Variants in NKAIN3 observed in about 807,000 individuals in gnomAD.
The protein encoded by NKAIN3 is sodium/potassium-transporting ATPase subunit beta-1-interacting protein 3.
A neutral mutation model predicts 30.2 loss-of-function variants in NKAIN3; 25 were observed. The ratio of observed to expected loss-of-function variants is 0.83; its 90% CI spans 0.60 to 1.16. The LOEUF (loss-of-function observed/expected upper bound fraction) is 1.16, where lower values mean the gene tolerates loss of function less well. NKAIN3 is among the 50% of genes most tolerant of loss of function. The pLI is 0.00. For synonymous variants in NKAIN3, 91 were observed against 89.6 expected (o/e 1.02, Z -0.09); for missense variants, 225 against 254.1 (o/e 0.89, Z 0.78).
chr8:62,732,275 G>A (rs12114187), intron 3 of NKAIN3, among the ~76,000 whole-genome samples: 5,210 of 151,842 alleles, frequency 0.034, 121 homozygotes, highest in Middle Eastern at 0.071. Context: ...AGAGTTGATC[G>A]TATTAAACTT....
chr8:62,541,575 A>C (rs1808842601), intron 1 of NKAIN3, among the ~76,000 whole-genome samples: 1 of 152,050 alleles, frequency 6.6e-6, no homozygotes, highest in Non-Finnish European at 1.5e-5. Context: ...AAGGTCTATT[A>C]AATTATTGTG....
intron 4 of NKAIN3, among the ~76,000 whole-genome samples, chr8:62,898,459 T>A (rs1368225301): frequency 6.6e-6 from 1 of 151,754 alleles, no homozygotes; most frequent in Non-Finnish European, 1.5e-5. Context: ...AATTCAGGAG[T>A]GAAAAACCAA....
chr8:62,746,860 C>T, intron 3 of NKAIN3, 72 bp from the exon 4 acceptor site: 7 of 1,087,408 alleles, frequency 6.4e-6, no homozygotes, highest in Non-Finnish European at 6.8e-6. Context: ...CTGAATTCTT[C>T]CTAAGGTCAA....
At chr8:62,581,950 ATCCTCCCTCCCTTCCTTCTATCCT>A (rs1291360854) in intron 2 of NKAIN3, among the ~76,000 whole-genome samples, 1 of 90,810 alleles carries the variant, frequency 1.1e-5, no homozygotes, top group African/African-American at 6.0e-5. Context: ...CCTCCCACCT[ATCCTCCCTCCCTTCCTTCTATCCT>A]TCCTCCCTCC....
chr8:62,440,167 GTCT>G (rs1292274523), intron 1 of NKAIN3, among the ~76,000 whole-genome samples: 3 of 152,144 alleles, frequency 2.0e-5, no homozygotes, highest in South Asian at 2.1e-4. Flanking sequence ...ATTTGTCAGA[GTCT>G]TCTTATTTAC....
rs369958457 is a variant in NKAIN3, at chr8:62,629,440, C to T, written c.273+39646C>T. Among the ~76,000 whole-genome samples the T allele has an allele frequency of 4.0e-4, 61 of 152,192 alleles. No homozygotes were observed. The South Asian group carries it at 0.012, about 31-fold the overall frequency. ...ACTGTTGTAGGCAATAGTGATACAGCAGTGAACACAATGAACAATGCTCTT... is the reference window on the plus strand; with the variant it reads ...ACTGTTGTAGGCAATAGTGATACAGTAGTGAACACAATGAACAATGCTCTT... On this transcript the variant is annotated intron_variant, in intron 3 of 6. Coordinates refer to ENST00000623646, the MANE Select transcript of NKAIN3 (RefSeq NM_001304533.3).
At chr8:62,438,556 A>C (rs759679715) in intron 1 of NKAIN3, among the ~76,000 whole-genome samples, 40 of 152,018 alleles carry the variant, frequency 2.6e-4, no homozygotes, top group Non-Finnish European at 5.3e-4. Context: ...CGGTGTCATG[A>C]ATAGCCACTA....
intron 1 of NKAIN3, among the ~76,000 whole-genome samples, chr8:62,541,451 G>T (rs1808838162): frequency 6.6e-6 from 1 of 152,122 alleles, no homozygotes. Context: ...TGTATCCACT[G>T]TTCTGAAATG....
chr8:62,663,669 A>G (rs962521705), intron 3 of NKAIN3, among the ~76,000 whole-genome samples: 1 of 152,170 alleles, frequency 6.6e-6, no homozygotes, highest in African/African-American at 2.4e-5. Flanking sequence ...ACACTCCCAC[A>G]TCTTAATCTT....
At chr8:62,336,058 G>A (rs966135343) in intron 1 of NKAIN3, among the ~76,000 whole-genome samples, 7 of 152,000 alleles carry the variant, frequency 4.6e-5, no homozygotes, top group African/African-American at 1.7e-4. Context: ...GAACATCCAT[G>A]AGCTTTATTT....
intron 3 of NKAIN3, among the ~76,000 whole-genome samples, chr8:62,714,025 A>G (rs1814811744): frequency 6.6e-6 from 1 of 152,086 alleles, no homozygotes; most frequent in Non-Finnish European, 1.5e-5. Flanking sequence ...TAATTTTTGT[A>G]TTGGATGTTT....
At chr8:62,729,384 G>T (rs1387140552) in intron 3 of NKAIN3, among the ~76,000 whole-genome samples, 5 of 152,134 alleles carry the variant, frequency 3.3e-5, no homozygotes, top group Non-Finnish European at 7.4e-5. Context: ...TGCTGGGTAG[G>T]ATATGGACCA....
At chr8:62,437,419 C>T (rs1190773070) in intron 1 of NKAIN3, among the ~76,000 whole-genome samples, 2 of 152,074 alleles carry the variant, frequency 1.3e-5, no homozygotes, top group Non-Finnish European at 2.9e-5. Context: ...ACAGACAGCA[C>T]AGTATTTAGA....
intron 1 of NKAIN3, among the ~76,000 whole-genome samples, chr8:62,573,214 T>G (rs1430465268): frequency 6.6e-6 from 1 of 152,202 alleles, no homozygotes; most frequent in Non-Finnish European, 1.5e-5. Context: ...ACTAATATTT[T>G]ATTCAATAAC....
chr8:62,995,731 G>A (rs1327156595), intron 5 of NKAIN3, among the ~76,000 whole-genome samples: 4 of 152,162 alleles, frequency 2.6e-5, no homozygotes, highest in Non-Finnish European at 4.4e-5. Flanking sequence ...GAATTTATAT[G>A]TAAATCAAAA....
chr8:62,320,943 C>A (rs941912275), intron 1 of NKAIN3, among the ~76,000 whole-genome samples: 15 of 152,180 alleles, frequency 9.9e-5, no homozygotes, highest in African/African-American at 3.6e-4. Flanking sequence ...AACTTGTTTC[C>A]ATTCTCCCTG....
chr8:62,961,554 C>T (rs1251165575), intron 6 of NKAIN3, among the ~76,000 whole-genome samples: 9 of 152,154 alleles, frequency 5.9e-5, no homozygotes, highest in Admixed American at 5.9e-4. Flanking sequence ...TAGTCAAACA[C>T]ATTGTGTATA....
At chr8:62,325,358 C>G (rs1472838557) in intron 1 of NKAIN3, among the ~76,000 whole-genome samples, 1 of 152,020 alleles carries the variant, frequency 6.6e-6, no homozygotes, top group Non-Finnish European at 1.5e-5. Context: ...ATATGTATCA[C>G]ATTTTCTTTA....
At chr8:62,443,172 C>T (rs1805382176) in intron 1 of NKAIN3, among the ~76,000 whole-genome samples, 1 of 151,774 alleles carries the variant, frequency 6.6e-6, no homozygotes, top group Admixed American at 6.6e-5. Context: ...TTTAAAATCC[C>T]AATCACAATT....
Sources: gnomAD v4.1 joint callset for allele counts (sites outside exome capture counted in the v4.1 genomes callset) on GRCh38, gnomAD v4.1.1 for gene constraint, MANE v1.5 for transcripts, NCBI Gene and HGNC (gene_info 2026-07-23, HGNC 2026-07-21) for gene names.